GORASP1: variants seen among roughly 807,000 people sequenced by gnomAD.
GORASP1 encodes Golgi reassembly-stacking protein 1.
A neutral mutation model predicts 37.7 loss-of-function variants in GORASP1; 31 were observed. The observed-to-expected ratio is 0.82, with a 90% CI of 0.62 to 1.11. GORASP1 has a LOEUF of 1.11. Among genes scored for constraint, GORASP1 ranks in the 50% least tolerant of loss-of-function variants. The pLI is 0.00. For synonymous variants in GORASP1, 204 were observed against 224.8 expected (o/e 0.91, Z 0.83); for missense variants, 476 against 560.7 (o/e 0.85, Z 1.53).
intron 1 of GORASP1, among the ~76,000 whole-genome samples, chr3:39,106,187 T>C (rs749640359): frequency 5.2e-4 from 79 of 152,296 alleles, no homozygotes; most frequent in Non-Finnish European, 8.8e-4. Context: ...TGTTCACTGC[T>C]TTATCTCTAG....
intron 1 of GORASP1, among the ~76,000 whole-genome samples, chr3:39,106,798 A>AC (rs1038997537): frequency 2.6e-5 from 4 of 151,922 alleles, no homozygotes. Flanking sequence ...CGTTCTAGGA[A>AC]CCCCACTCCG....
At position 39,098,645 on chromosome 3, in the gene GORASP1, C is replaced by T. The variant is rs115455717; in HGVS notation, c.1069+96G>A. On this transcript the variant is annotated intron_variant, in intron 8 of 8. Coordinates refer to ENST00000319283, the MANE Select transcript of GORASP1 (RefSeq NM_031899.4). This position sits in a 1 kb window ranked among gnomAD's most constrained non-coding sequence, Gnocchi z 4.7. ...ATGCCTTGGTGTGGCTGTATCAACC[C>T]GATGGCCCACTTCTGCCCAGCTGAG... 26,116 of 1,527,504 alleles carry T rather than the reference C, an allele frequency of 0.017. 283 individuals are homozygous for T. The highest frequency in any genetic ancestry group is 0.018 in the Non-Finnish European group (20,475 of 1,127,298). The allele number at this position is 1,527,504 out of a possible 1,614,324, so 94.6% of individuals were successfully genotyped here.
At chr3:39,107,153 C>A (rs1470952298) in intron 1 of GORASP1, 9 of 528,624 alleles carry the variant, frequency 1.7e-5, no homozygotes, top group South Asian at 1.4e-4. Flanking sequence ...TGCACGAGTG[C>A]GTCCCGACTG....
chr3:39,103,413 C>T lies in GORASP1; in HGVS notation c.144+60G>A. 1 of 1,407,012 alleles carries T rather than the reference C, an allele frequency of 7.1e-7. No homozygotes were observed. Among genetic ancestry groups the T allele is most frequent in the Non-Finnish European group, 9.8e-7 (1 of 1,016,684 alleles). The allele number at this position is 1,407,012 out of a possible 1,614,324, so 87.2% of individuals were successfully genotyped here. A position where few individuals can be genotyped will look rare whatever the true frequency, so the allele number is the denominator to read the frequency against. On this transcript the variant is annotated intron_variant, in intron 2 of 8. Coordinates refer to ENST00000319283, the MANE Select transcript of GORASP1 (RefSeq NM_031899.4). The surrounding 1 kb of genome is among the most constrained non-coding windows in gnomAD (Gnocchi z 5.2). ...GGGTAGACTGGGGCCCCCTGTGGGA[C>T]AGATGAAGACACACAAACACACATA...
At position 39,100,577 on chromosome 3, in the gene GORASP1, T is replaced by C. The variant is rs2035635716; in HGVS notation, c.567-74A>G. On this transcript the variant is annotated intron_variant, in intron 5 of 8. Coordinates refer to ENST00000319283, the MANE Select transcript of GORASP1 (RefSeq NM_031899.4). The surrounding 1 kb of genome is among the most constrained non-coding windows in gnomAD (Gnocchi z 4.6). ...CCCTACCTTTGCTATCCCCACCTAC[T>C]ACCAGCAATAAGGGGGCTGAAAAGG... 6.7e-7 allele frequency: 1 copy of C among 1,485,016 alleles called. No homozygotes were observed. The highest frequency in any genetic ancestry group is 9.1e-7 in the Non-Finnish European group (1 of 1,103,434). The allele number at this position is 1,485,016 out of a possible 1,614,324, so 92.0% of individuals were successfully genotyped here.
chr3:39,102,473 C>T lies in GORASP1; in HGVS notation c.348+205G>A, dbSNP rs768697166. ...ACCCAAAGTCATGGCTAACAGGAAG[C>T]AAGATACACTGTTCAGGTAGTAATG... On this transcript the variant is annotated intron_variant, in intron 3 of 8. Coordinates refer to ENST00000319283, the MANE Select transcript of GORASP1 (RefSeq NM_031899.4). The surrounding 1 kb of genome is among the most constrained non-coding windows in gnomAD (Gnocchi z 5.0). 1 of 606,094 alleles carries T rather than the reference C, an allele frequency of 1.6e-6. No individual in the cohort carries two copies. The highest frequency in any genetic ancestry group is 2.9e-6 in the Non-Finnish European group (1 of 339,708). 37.5% of individuals were successfully genotyped at this position (606,094 alleles called of 1,614,324 possible).
chr3:39,102,785 C>T lies in GORASP1; in HGVS notation c.241G>A (p.Glu81Lys), dbSNP rs555213592. The part of the protein sequence containing the change: ...VFNMKTMRVR[E>K]VEVVPSNMWG... ...ATGTTGCTGGGCACCACCTCCACCT[C>T]GCGCACCCTCATGGTCTTCATATTG... Residue 81 changes from glutamate to lysine, a missense_variant, in exon 3 of 9, where the codon GAG becomes AAG. Glu to Lys is a moderately conservative substitution (Grantham distance 56). Coordinates refer to ENST00000319283, the MANE Select transcript of GORASP1 (RefSeq NM_031899.4). This position sits in a 1 kb window ranked among gnomAD's most constrained non-coding sequence, Gnocchi z 5.0. The T allele has an allele frequency of 6.2e-6, 10 of 1,614,216 alleles. No individual in the cohort carries two copies. Among genetic ancestry groups the T allele is most frequent in the East Asian group, 2.2e-5 (1 of 44,884 alleles).
rs754493727 is a variant in GORASP1, at chr3:39,100,752, C to T, written c.561G>A (p.Glu187=). 15 of 1,613,692 alleles carry T rather than the reference C, an allele frequency of 9.3e-6. No homozygotes were observed. Among genetic ancestry groups the T allele is most frequent in the Non-Finnish European group, 1.3e-5 (15 of 1,179,986 alleles). The part of the protein sequence containing the change: ...TVTPNAAWGG[E]GSLGCGIGYG... ...CCTCCAACCCCACGAAGTACCTGCC[C>T]TCTCCACCCCAGGCTGCGTTGGGAG... Residue 187 remains glutamate, a synonymous_variant, in exon 5 of 9, where the codon GAG becomes GAA. Transcript: ENST00000319283. This position sits in a 1 kb window ranked among gnomAD's most constrained non-coding sequence, Gnocchi z 4.6.
chr3:39,097,839 T>C lies in GORASP1; in HGVS notation c.*397A>G. On this transcript the variant is annotated 3_prime_UTR_variant, in exon 9 of 9. Coordinates refer to ENST00000319283, the MANE Select transcript of GORASP1 (RefSeq NM_031899.4). ...GGGACAAGGACACATGACAGAGGAC[T>C]CAGTGTTTGGGACTTGAAAGGGGGT... is the stretch of plus-strand genomic sequence containing the variant. 5.4e-6 allele frequency: 1 copy of C among 183,928 alleles called. No individual in the cohort carries two copies. The highest frequency in any genetic ancestry group is 1.1e-5 in the Non-Finnish European group (1 of 89,256). The allele number at this position is 183,928 out of a possible 1,614,324, so 11.4% of individuals were successfully genotyped here.
At chr3:39,106,616 C>T (rs1268974606) in intron 1 of GORASP1, among the ~76,000 whole-genome samples, 1 of 152,194 alleles carries the variant, frequency 6.6e-6, no homozygotes, top group African/African-American at 2.4e-5. Context: ...CTCATCTCTG[C>T]ATCCAGCTGC....
rs2125720454 is a variant in GORASP1, at chr3:39,107,624, T to C, written c.-83A>G. 2 of 1,359,674 alleles carry C rather than the reference T, an allele frequency of 1.5e-6. No individual in the cohort carries two copies. The highest frequency in any genetic ancestry group is 2.5e-5 in the East Asian group (1 of 39,728). The allele number at this position is 1,359,674 out of a possible 1,614,324, so 84.2% of individuals were successfully genotyped here. On this transcript the variant is annotated 5_prime_UTR_variant, in exon 1 of 9. Coordinates refer to ENST00000319283, the MANE Select transcript of GORASP1 (RefSeq NM_031899.4). ...CGACGCCAGTAGCACCGACTCGCTC[T>C]CTCGGCGCTCGATTCCTGCGCCTTG...
At position 39,102,622 on chromosome 3, in the gene GORASP1, T is replaced by C. The variant is rs2035794225; in HGVS notation, c.348+56A>G. On this transcript the variant is annotated intron_variant, in intron 3 of 8. Transcript: ENST00000319283. The surrounding 1 kb of genome is among the most constrained non-coding windows in gnomAD (Gnocchi z 5.0). ...CTCACACCCCGCCCACACCCAGACC[T>C]GCCCCAGTAAACTCATCCTTCCGAC... 6 of 1,578,114 alleles carry C rather than the reference T, an allele frequency of 3.8e-6. No homozygotes were observed. In the East Asian group the frequency reaches 1.1e-4, roughly 30 times the overall value.
Position 39,098,634 on chromosome 3 carries a change from C to T in GORASP1, c.1069+107G>A. 6.6e-7 allele frequency: 1 copy of T among 1,507,746 alleles called. No individual in the cohort carries two copies. The highest frequency in any genetic ancestry group is 1.4e-5 in the African/African-American group (1 of 72,782). The allele number at this position is 1,507,746 out of a possible 1,614,324, so 93.4% of individuals were successfully genotyped here. ...GGAGTGTACAAATGCCTTGGTGTGG[C>T]TGTATCAACCCGATGGCCCACTTCT... On this transcript the variant is annotated intron_variant, in intron 8 of 8. Transcript: ENST00000319283. This position sits in a 1 kb window ranked among gnomAD's most constrained non-coding sequence, Gnocchi z 4.7.
rs1393185069 is a variant in GORASP1 at position 39,105,173 on chromosome 3, C to A, written c.64-1620G>T. On this transcript the variant is annotated intron_variant, in intron 1 of 8. Coordinates refer to ENST00000319283, the MANE Select transcript of GORASP1 (RefSeq NM_031899.4). The surrounding 1 kb of genome is among the most constrained non-coding windows in gnomAD (Gnocchi z 5.4). ...TACACTCCACTTCTCTCACCTGGGGCCTCATCACTACTCACTATGGCTCCG... is the reference window on the plus strand; with the variant it reads ...TACACTCCACTTCTCTCACCTGGGGACTCATCACTACTCACTATGGCTCCG... Among the ~76,000 whole-genome samples, 1 of 151,974 alleles carries A rather than the reference C, an allele frequency of 6.6e-6. No individual in the cohort carries two copies. Among genetic ancestry groups the A allele is most frequent in the Non-Finnish European group, 1.5e-5 (1 of 68,004 alleles).
intron 1 of GORASP1, among the ~76,000 whole-genome samples, chr3:39,104,118 G>A (rs971102660): frequency 3.3e-5 from 5 of 152,192 alleles, no homozygotes; most frequent in African/African-American, 1.2e-4. Context: ...GCCACTGGCA[G>A]AGAAGCAGAC....
Position 39,102,786 on chromosome 3 carries a change from G to C in GORASP1, c.240C>G (p.Arg80=). ...TGTTGCTGGGCACCACCTCCACCTC[G>C]CGCACCCTCATGGTCTTCATATTGA... ...EVFNMKTMRV[R]EVEVVPSNMW... Residue 80 remains arginine (R), a synonymous_variant, in exon 3 of 9, where the codon CGC becomes CGG. Coordinates refer to ENST00000319283, the MANE Select transcript of GORASP1 (RefSeq NM_031899.4). This position sits in a 1 kb window ranked among gnomAD's most constrained non-coding sequence, Gnocchi z 5.0. The C allele has an allele frequency of 6.2e-7, 1 of 1,614,108 alleles. No individual in the cohort carries two copies. Among genetic ancestry groups the C allele is most frequent in the Non-Finnish European group, 8.5e-7 (1 of 1,180,032 alleles).
chr3:39,099,026 C>CCT lies in GORASP1; in HGVS notation c.917-135_917-134dup, dbSNP rs553118409. 5.3e-4 allele frequency: 599 copies of CCT among 1,139,482 alleles called. 3 individuals are homozygous for CCT. The highest frequency in any genetic ancestry group is 2.8e-3 in the Middle Eastern group (14 of 4,984). 70.6% of individuals were successfully genotyped at this position (1,139,482 alleles called of 1,614,324 possible). On this transcript the variant is annotated intron_variant, in intron 7 of 8. Coordinates refer to ENST00000319283, the MANE Select transcript of GORASP1 (RefSeq NM_031899.4). The stretch of plus-strand genomic sequence containing the variant: ...AATCTCCTCAGCCCCTGGTGATACC[C>CCT]CTCACCCAACCTCAAAGAGGTTCCC...
At position 39,096,915 on chromosome 3, in the gene GORASP1, G is replaced by C. The variant is rs1211010223; in HGVS notation, c.*1321C>G. The C allele has an allele frequency of 1.3e-5, 2 of 152,268 alleles. No homozygotes were observed. The highest frequency in any genetic ancestry group is 2.9e-5 in the Non-Finnish European group (2 of 68,064). 9.4% of individuals were successfully genotyped at this position (152,268 alleles called of 1,614,324 possible). On this transcript the variant is annotated 3_prime_UTR_variant, in exon 9 of 9. Coordinates refer to ENST00000319283, the MANE Select transcript of GORASP1 (RefSeq NM_031899.4). ...GGGAAGCTGGCCCCAGAACAGTCCT[G>C]TGGCGATTCTGTTCTACTTCCTGCA...
At position 39,100,396 on chromosome 3, in the gene GORASP1, C is replaced by G; in HGVS notation, c.674G>C (p.Gly225Ala). 1 of 1,613,934 alleles carries G rather than the reference C, an allele frequency of 6.2e-7. No individual in the cohort carries two copies. The highest frequency in any genetic ancestry group is 8.5e-7 in the Non-Finnish European group (1 of 1,179,922). ...GTPPPSALPL[G>A]APPPDALPPG... ...TGGTAGAGCATCAGGTGGTGGGGCACCAAGTGGTAGAGCAGAAGGTGGTGG... is the reference window on the plus strand; with the variant it reads ...TGGTAGAGCATCAGGTGGTGGGGCAGCAAGTGGTAGAGCAGAAGGTGGTGG... Residue 225 changes from glycine to alanine, a missense_variant, in exon 6 of 9, where the codon GGT (glycine) becomes GCT (alanine). Coordinates refer to ENST00000319283, the MANE Select transcript of GORASP1 (RefSeq NM_031899.4). This position sits in a 1 kb window ranked among gnomAD's most constrained non-coding sequence, Gnocchi z 4.6.
Sources: gnomAD v4.1 joint callset for allele counts (sites outside exome capture counted in the v4.1 genomes callset) on GRCh38, gnomAD v4.1.1 for gene constraint, Gnocchi (gnomAD v3.1) non-coding constraint, MANE v1.5 for transcripts, NCBI Gene and HGNC (gene_info 2026-07-23, HGNC 2026-07-21) for gene names.